The following UBP1 variants were observed in gnomAD, a reference collection of about 807,000 sequenced individuals.
UBP1 encodes upstream-binding protein 1.
Under a neutral mutation model 76.1 loss-of-function variants are expected in UBP1, and 22 were observed. That is an observed-to-expected ratio of 0.29 (90% CI 0.21 to 0.41). The LOEUF (loss-of-function observed/expected upper bound fraction) is 0.41. UBP1 is among the 10% of genes least tolerant of loss of function. The pLI is 1.00. For synonymous variants in UBP1, 224 were observed against 237.1 expected (o/e 0.94, Z 0.51); for missense variants, 436 against 668.1 (o/e 0.65, Z 3.83).
At chr3:33,417,961 G>A (rs946771565) in intron 2 of UBP1, among the ~76,000 whole-genome samples, 6 of 152,118 alleles carry the variant, frequency 3.9e-5, no homozygotes, top group African/African-American at 9.7e-5. Flanking sequence ...CTGTTACAAA[G>A]AAAAGTTGCT....
intron 2 of UBP1, 32 bp from the exon 3 acceptor site, chr3:33,416,866 C>G (rs977317373): frequency 2.6e-6 from 4 of 1,547,132 alleles, no homozygotes; most frequent in Non-Finnish European, 3.6e-6. Context: ...AAAAAACAAT[C>G]CTTATAAAGA....
chr3:33,396,935 G>A (rs2044022081), intron 12 of UBP1, 110 bp downstream of exon 12: 5 of 958,078 alleles, frequency 5.2e-6, no homozygotes, highest in Non-Finnish European at 8.3e-6. Context: ...ATGCTCGATG[G>A]CGCACACAGG....
intron 4 of UBP1, 56 bp downstream of exon 4, chr3:33,412,666 C>A (rs1373860161): frequency 1.8e-6 from 2 of 1,123,352 alleles, no homozygotes; most frequent in Non-Finnish European, 2.7e-6. Flanking sequence ...CAACACATTA[C>A]TGGCTATAGC....
In UBP1 at chr3:33,439,930, G is replaced by T; in HGVS notation, c.-82C>A. On this transcript the variant is annotated 5_prime_UTR_variant, in exon 1 of 16. Coordinates refer to ENST00000283629, the MANE Select transcript of UBP1 (RefSeq NM_014517.5). Reference sequence around the variant, plus strand: ...CCGGAGCTCCGCTGGCGCGTCCTGGGGGAGGGCGCGGGTGAAGCCTCCGGA... The same window carrying T: ...CCGGAGCTCCGCTGGCGCGTCCTGGTGGAGGGCGCGGGTGAAGCCTCCGGA... 4 of 1,489,216 alleles carry T rather than the reference G, an allele frequency of 2.7e-6. No individual in the cohort carries two copies. The highest frequency in any genetic ancestry group is 3.7e-6 in the Non-Finnish European group (4 of 1,090,190). The allele number at this position is 1,489,216 out of a possible 1,614,324, so 92.3% of individuals were successfully genotyped here. A position where few individuals can be genotyped will look rare whatever the true frequency, so the allele number is the denominator to read the frequency against.
intron 1 of UBP1, among the ~76,000 whole-genome samples, chr3:33,436,646 C>G (rs960125918): frequency 6.6e-6 from 1 of 152,146 alleles, no homozygotes; most frequent in Admixed American, 6.5e-5. Context: ...ATTAACTTGG[C>G]TACAGATGAT....
At chr3:33,400,413 C>G (rs2044179754) in intron 10 of UBP1, 131 bp from the exon 11 acceptor site, 4 of 593,338 alleles carry the variant, frequency 6.7e-6, no homozygotes, top group Non-Finnish European at 1.1e-5. Flanking sequence ...TCCAGCAACC[C>G]AAATGATGCA....
chr3:33,423,997 A>G (rs1408899393), intron 2 of UBP1, among the ~76,000 whole-genome samples: 1 of 152,270 alleles, frequency 6.6e-6, no homozygotes, highest in Non-Finnish European at 1.5e-5. Context: ...AACAGGGTGT[A>G]TATGTGTACT....
At chr3:33,432,461 T>A (rs918023525) in intron 1 of UBP1, among the ~76,000 whole-genome samples, 28 of 152,244 alleles carry the variant, frequency 1.8e-4, no homozygotes, top group African/African-American at 6.3e-4. Flanking sequence ...ATGAAGTTAC[T>A]ACAACATATA....
intron 8 of UBP1, 136 bp from the exon 9 acceptor site, chr3:33,403,040 A>T (rs2044289774): frequency 1.3e-6 from 1 of 765,968 alleles, no homozygotes; most frequent in South Asian, 1.7e-5. Context: ...AACCTCACAG[A>T]CACATGTCAA....
chr3:33,435,739 C>A (rs1029259589), intron 1 of UBP1, among the ~76,000 whole-genome samples: 16 of 152,200 alleles, frequency 1.1e-4, no homozygotes, highest in Non-Finnish European at 2.4e-4. Flanking sequence ...TCGGGGAAAA[C>A]CACTTGGCAA....
At chr3:33,395,750 G>GAAAAAAAAAAAAAAAA (rs61654235) in intron 13 of UBP1, among the ~76,000 whole-genome samples, 1 of 69,788 alleles carries the variant, frequency 1.4e-5, no homozygotes, top group Non-Finnish European at 2.6e-5. Flanking sequence ...CAGGAAAATT[G>GAAAAAAAAAAAAAAAA]AAAAAAAAAA....
chr3:33,436,920 G>C (rs1036014909), intron 1 of UBP1, among the ~76,000 whole-genome samples: 2 of 152,122 alleles, frequency 1.3e-5, no homozygotes, highest in Non-Finnish European at 2.9e-5. Flanking sequence ...GAGTGGTCTA[G>C]ACTCTAAAAG....
chr3:33,425,995 G>GAATA (rs1559690407), intron 1 of UBP1, among the ~76,000 whole-genome samples: 13 of 51,962 alleles, frequency 2.5e-4, no homozygotes, highest in African/African-American at 8.5e-4. Flanking sequence ...GGGCAGCTCT[G>GAATA]AATATATATA....
intron 1 of UBP1, among the ~76,000 whole-genome samples, chr3:33,427,492 T>C (rs994927897): frequency 6.6e-6 from 1 of 152,224 alleles, no homozygotes; most frequent in Non-Finnish European, 1.5e-5. Flanking sequence ...ACACCAATAA[T>C]AGGGACTTGT....
intron 3 of UBP1, among the ~76,000 whole-genome samples, chr3:33,413,693 G>C (rs1481999885): frequency 2.0e-5 from 3 of 152,078 alleles, no homozygotes; most frequent in African/African-American, 7.2e-5. Context: ...CCAATTAAAA[G>C]CAATTTTTTT....
In UBP1 at chr3:33,393,539, G is replaced by A. The variant is rs2043851654; in HGVS notation, c.1391-85C>T. The A allele has an allele frequency of 2.2e-5, 30 of 1,335,570 alleles. No individual in the cohort carries two copies. The Middle Eastern group carries it at 1.1e-3, about 48-fold the overall frequency. 82.7% of individuals were successfully genotyped at this position (1,335,570 alleles called of 1,614,324 possible). Reference sequence around the variant, plus strand: ...CCTGATCTGTAGGATCTGTACGAAGGTCACACCTTTCAAAGTACCAAAAAA... The same window carrying A: ...CCTGATCTGTAGGATCTGTACGAAGATCACACCTTTCAAAGTACCAAAAAA... On this transcript the variant is annotated intron_variant, in intron 13 of 15. Coordinates refer to ENST00000283629, the MANE Select transcript of UBP1 (RefSeq NM_014517.5).
intron 1 of UBP1, among the ~76,000 whole-genome samples, chr3:33,429,608 C>T (rs370711177): frequency 4.7e-4 from 71 of 152,318 alleles, no homozygotes; most frequent in African/African-American, 1.7e-3. Flanking sequence ...GGATTACAGG[C>T]ATGAGCCACT....
intron 2 of UBP1, among the ~76,000 whole-genome samples, chr3:33,420,661 G>T (rs1364187656): frequency 6.6e-6 from 1 of 152,224 alleles, no homozygotes; most frequent in East Asian, 1.9e-4. Flanking sequence ...GCTAATTTTT[G>T]TATTTTTAGT....
chr3:33,408,648 A>G, intron 8 of UBP1, 42 bp downstream of exon 8: 5 of 1,561,698 alleles, frequency 3.2e-6, no homozygotes, highest in Non-Finnish European at 3.5e-6. Flanking sequence ...AACACTGCAC[A>G]AGGTTTCTTG....
Sources: allele counts gnomAD v4.1 joint callset (sites outside exome capture counted in the v4.1 genomes callset), GRCh38; gene constraint gnomAD v4.1.1; transcripts MANE v1.5; gene names NCBI Gene and HGNC (gene_info 2026-07-23, HGNC 2026-07-21).